Variants in REC114 observed in about 807,000 individuals in gnomAD.
REC114 encodes meiotic recombination protein REC114.
REC114 carries 27 observed loss-of-function variants against 31.3 expected under a neutral mutation model. The ratio of observed to expected loss-of-function variants is 0.86; its 90% CI spans 0.64 to 1.19. REC114 has a LOEUF of 1.19. Ranked by LOEUF, REC114 falls within the 50% of genes most tolerant of loss-of-function variation. The pLI, the probability that REC114 is intolerant of heterozygous loss-of-function variation, is 0.00. For missense variants in REC114, 344 were observed against 326.9 expected, an observed-to-expected ratio of 1.05 and a Z score of -0.40; for synonymous variants, 134 against 127.7, an observed-to-expected ratio of 1.05 and a Z score of -0.33.
chr15:73,554,985 A>G (rs986715505), intron 4 of REC114, among the ~76,000 whole-genome samples: 1 of 152,230 alleles, frequency 6.6e-6, no homozygotes, highest in African/African-American at 2.4e-5. Flanking sequence ...GGGCTTGTCT[A>G]AGGACTATTG....
At chr15:73,533,718 A>C (rs1296743612) in intron 2 of REC114, among the ~76,000 whole-genome samples, 1 of 146,802 alleles carries the variant, frequency 6.8e-6, no homozygotes, top group African/African-American at 2.6e-5. Context: ...CTCCACCCCA[A>C]ATCAACAGAA....
intron 2 of REC114, among the ~76,000 whole-genome samples, chr15:73,493,214 C>T (rs1018039369): frequency 6.6e-6 from 1 of 151,938 alleles, no homozygotes; most frequent in African/African-American, 2.4e-5. Context: ...GAGATGAGAT[C>T]TCACCGTATT....
intron 2 of REC114, among the ~76,000 whole-genome samples, chr15:73,516,479 G>A (rs1893859253): frequency 6.6e-6 from 1 of 152,058 alleles, no homozygotes; most frequent in Non-Finnish European, 1.5e-5. Flanking sequence ...GGTATGGAAA[G>A]ATCTCCCAAG....
intron 1 of REC114, among the ~76,000 whole-genome samples, chr15:73,461,899 A>ATTTTTC (rs1303793925): frequency 9.0e-6 from 1 of 110,630 alleles, no homozygotes; most frequent in Non-Finnish European, 2.0e-5. Context: ...TAGAGATAAC[A>ATTTTTC]TTTTTCTTTT....
chr15:73,454,142 T>TTAAA (rs769849798), intron 1 of REC114, among the ~76,000 whole-genome samples: 5 of 151,684 alleles, frequency 3.3e-5, no homozygotes, highest in African/African-American at 9.7e-5. Context: ...CAAAAATAAA[T>TTAAA]TAAATAAATA....
At chr15:73,538,898 T>TAA (rs879777585) in intron 2 of REC114, among the ~76,000 whole-genome samples, 1 of 140,922 alleles carries the variant, frequency 7.1e-6, no homozygotes, top group Non-Finnish European at 1.6e-5. Flanking sequence ...ATCTTATGTT[T>TAA]AAAAAAAAAA....
At chr15:73,448,226 C>T (rs1226500740) in intron 1 of REC114, among the ~76,000 whole-genome samples, 1 of 152,116 alleles carries the variant, frequency 6.6e-6, no homozygotes, top group African/African-American at 2.4e-5. Flanking sequence ...CCCAACAGAG[C>T]CCAGCAACCT....
chr15:73,555,051 T>G (rs953745386), intron 4 of REC114, among the ~76,000 whole-genome samples: 1 of 152,224 alleles, frequency 6.6e-6, no homozygotes, highest in African/African-American at 2.4e-5. Flanking sequence ...TTTCTTGTCT[T>G]TGTTCTTTCC....
At chr15:73,534,175 A>T (rs1894123820) in intron 2 of REC114, among the ~76,000 whole-genome samples, 2 of 151,752 alleles carry the variant, frequency 1.3e-5, no homozygotes, top group Admixed American at 6.6e-5. Context: ...GAAGGCAAGA[A>T]ATAACTAAAA....
At chr15:73,459,233 CTTTTTTT>C (rs71442387) in intron 1 of REC114, among the ~76,000 whole-genome samples, 1 of 142,718 alleles carries the variant, frequency 7.0e-6, no homozygotes, top group Admixed American at 7.0e-5. Context: ...TTTCTTTTTT[CTTTTTTT>C]TTTTTTGGAG....
At chr15:73,494,971 C>G (rs1457368569) in intron 2 of REC114, among the ~76,000 whole-genome samples, 1 of 152,184 alleles carries the variant, frequency 6.6e-6, no homozygotes, top group African/African-American at 2.4e-5. Context: ...TTTTGTTGCA[C>G]TTACATTGTG....
At chr15:73,521,089 A>C (rs905956523) in intron 2 of REC114, among the ~76,000 whole-genome samples, 2 of 152,208 alleles carry the variant, frequency 1.3e-5, no homozygotes, top group African/African-American at 4.8e-5. Context: ...GAGTATAAAG[A>C]AAGTCTTAGC....
At chr15:73,452,875 A>C (rs1892869660) in intron 1 of REC114, among the ~76,000 whole-genome samples, 3 of 152,206 alleles carry the variant, frequency 2.0e-5, no homozygotes, top group Admixed American at 2.0e-4. Context: ...AAAAACAAGC[A>C]ATGGGAAAAG....
In REC114 at chr15:73,462,242, T is replaced by G. The variant is rs180838173; in HGVS notation, c.160-11590T>G. Among the ~76,000 whole-genome samples the G allele has an allele frequency of 7.2e-4, 110 of 152,236 alleles. 1 individual carries two copies. Among genetic ancestry groups the G allele is most frequent in the African/African-American group, 2.5e-3 (102 of 41,554 alleles). ...ATCGTGCCCAGCCAACATTTTTCTTTAAGCTTTCCATATTGTGTTAATGTG... is the reference window on the plus strand; with the variant it reads ...ATCGTGCCCAGCCAACATTTTTCTTGAAGCTTTCCATATTGTGTTAATGTG... On this transcript the variant is annotated intron_variant, in intron 1 of 5. Coordinates refer to ENST00000331090, the MANE Select transcript of REC114 (RefSeq NM_001042367.2).
intron 1 of REC114, among the ~76,000 whole-genome samples, chr15:73,467,374 T>G (rs1893076893): frequency 6.6e-6 from 1 of 152,226 alleles, no homozygotes; most frequent in Non-Finnish European, 1.5e-5. Context: ...TGCAGTGTAC[T>G]GCTCCCAACA....
intron 1 of REC114, among the ~76,000 whole-genome samples, chr15:73,448,061 A>G (rs1892791680): frequency 6.6e-6 from 1 of 151,004 alleles, no homozygotes. Flanking sequence ...CTGGGTGGCC[A>G]TTTGGGCAGA....
At chr15:73,558,533 G>A (rs1188225901) in intron 5 of REC114, among the ~76,000 whole-genome samples, 1 of 152,206 alleles carries the variant, frequency 6.6e-6, no homozygotes, top group Non-Finnish European at 1.5e-5. Flanking sequence ...ACATACAGAT[G>A]ACAAATAAGC....
intron 1 of REC114, among the ~76,000 whole-genome samples, chr15:73,451,448 G>T (rs1892846823): frequency 6.6e-6 from 1 of 152,080 alleles, no homozygotes; most frequent in Non-Finnish European, 1.5e-5. Flanking sequence ...TTGAATCCCT[G>T]AATAGACCAA....
chr15:73,545,658 T>C (rs1894298380), intron 3 of REC114, among the ~76,000 whole-genome samples: 2 of 152,198 alleles, frequency 1.3e-5, no homozygotes, highest in Non-Finnish European at 2.9e-5. Flanking sequence ...TTTTTTGGAA[T>C]TATACTCCAA....
Sources: gnomAD v4.1 joint callset for allele counts (sites outside exome capture counted in the v4.1 genomes callset) on GRCh38, gnomAD v4.1.1 for gene constraint, MANE v1.5 for transcripts, NCBI Gene and HGNC (gene_info 2026-07-23, HGNC 2026-07-21) for gene names.